Variants in ASCC3 observed in about 807,000 individuals in gnomAD.
ASCC3 encodes ASC-1 complex subunit P200.
In ASCC3, 158 loss-of-function variants were observed where a neutral mutation model predicts 256.3. The observed-to-expected ratio is 0.62, with a 90% CI of 0.54 to 0.70. The LOEUF (loss-of-function observed/expected upper bound fraction) is 0.70. Ranked by LOEUF, ASCC3 falls within the 30% of genes least tolerant of loss-of-function variation. The pLI is 0.00. For synonymous variants in ASCC3, 948 were observed against 883.4 expected (o/e 1.07, Z -1.30); for missense variants, 2,259 against 2,626.0 (o/e 0.86, Z 3.05).
rs757198733 is a variant in ASCC3 at position 100,805,878 on chromosome 6, T to C, written c.804A>G (p.Leu268=). 6.8e-6 allele frequency: 11 copies of C among 1,610,488 alleles called. No homozygotes were observed. The highest frequency in any genetic ancestry group is 4.0e-5 in the African/African-American group (3 of 74,792). The change falls in exon 5 of 42, where the codon CTA becomes CTG. Residue 268 remains leucine (L), a splice_region_variant and synonymous_variant. Transcript: ENST00000369162. ...IKSGDELQDE[L]FELLGPEGLE... ...GTCCTTCAGGTCCCAGCAGTTCAAA[T>C]AGCTTATAAAAAGAGAAAAAAGTAA...
chr6:100,852,455 T>G (rs1772728699), intron 3 of ASCC3, among the ~76,000 whole-genome samples: 1 of 152,226 alleles, frequency 6.6e-6, no homozygotes, highest in Admixed American at 6.5e-5. Context: ...TTACATTAAC[T>G]GTGAGAATCC....
At chr6:100,658,083 A>G (rs1247176626) in intron 16 of ASCC3, among the ~76,000 whole-genome samples, 1 of 151,464 alleles carries the variant, frequency 6.6e-6, no homozygotes, top group Non-Finnish European at 1.5e-5. Context: ...TGGCCTCAAG[A>G]AGTTCCAGAG....
chr6:100,718,312 T>TA, intron 11 of ASCC3, 61 bp from the exon 12 acceptor site: 1 of 1,395,946 alleles, frequency 7.2e-7, no homozygotes, highest in Non-Finnish European at 9.8e-7. Flanking sequence ...AAAAACATTA[T>TA]AATTTGTCCT....
chr6:100,796,185 T>C (rs1769603294), intron 8 of ASCC3, among the ~76,000 whole-genome samples: 2 of 152,130 alleles, frequency 1.3e-5, no homozygotes, highest in African/African-American at 4.8e-5. Flanking sequence ...TAAAAAACAG[T>C]GACAACACCA....
intron 36 of ASCC3, among the ~76,000 whole-genome samples, chr6:100,589,170 T>C (rs1229328070): frequency 6.6e-6 from 1 of 152,074 alleles, no homozygotes; most frequent in Admixed American, 6.6e-5. Context: ...GGTAAGGGTG[T>C]TTGTGGGGAT....
rs563493599 is a variant in ASCC3, at chr6:100,733,168, T to C, written c.1738-7465A>G. On this transcript the variant is annotated intron_variant, in intron 10 of 41. Transcript: ENST00000369162. ...AGAAAAACTGGCACATAGCTTCAAA[T>C]AGAGACAAAAGAGAACCTCAATAAA... Among the ~76,000 whole-genome samples the C allele has an allele frequency of 5.3e-5, 8 of 152,252 alleles. No homozygotes were observed. In the East Asian group the frequency reaches 5.8e-4, roughly 11 times the overall value.
intron 25 of ASCC3, among the ~76,000 whole-genome samples, chr6:100,631,579 T>G (rs968773401): frequency 2.0e-5 from 3 of 151,714 alleles, no homozygotes; most frequent in Non-Finnish European, 4.4e-5. Flanking sequence ...AAGAGAAAAT[T>G]AGGGTTCTGA....
chr6:100,875,376 T>C (rs1350447747), intron 1 of ASCC3, among the ~76,000 whole-genome samples: 2 of 152,188 alleles, frequency 1.3e-5, no homozygotes, highest in South Asian at 2.1e-4. Flanking sequence ...ACTTTAATTA[T>C]GGGCTATCAA....
intron 8 of ASCC3, among the ~76,000 whole-genome samples, chr6:100,795,398 A>T (rs1036129667): frequency 3.9e-5 from 6 of 152,024 alleles, no homozygotes; most frequent in Non-Finnish European, 7.4e-5. Flanking sequence ...AAGGAAATGG[A>T]GATAAAGAAA....
At chr6:100,733,111 C>T (rs142696711) in intron 10 of ASCC3, among the ~76,000 whole-genome samples, 1 of 152,214 alleles carries the variant, frequency 6.6e-6, no homozygotes, top group African/African-American at 2.4e-5. Context: ...TATATAAAAC[C>T]TTGCTCAAAG....
At chr6:100,557,275 A>T (rs532675961) in intron 36 of ASCC3, among the ~76,000 whole-genome samples, 2 of 152,268 alleles carry the variant, frequency 1.3e-5, no homozygotes, top group East Asian at 3.9e-4. Flanking sequence ...TAACGCAGGC[A>T]TATACAGCTA....
intron 13 of ASCC3, among the ~76,000 whole-genome samples, chr6:100,691,145 C>G (rs936299805): frequency 2.6e-5 from 4 of 151,930 alleles, no homozygotes; most frequent in African/African-American, 9.7e-5. Context: ...AGCAAAAATA[C>G]AAGTAGTCAT....
At chr6:100,769,473 A>C (rs1240757051) in intron 8 of ASCC3, among the ~76,000 whole-genome samples, 2 of 151,970 alleles carry the variant, frequency 1.3e-5, no homozygotes, top group African/African-American at 4.8e-5. Flanking sequence ...ATCACATCAT[A>C]CCATTATTTA....
intron 4 of ASCC3, among the ~76,000 whole-genome samples, chr6:100,842,633 G>A (rs756360975): frequency 2.0e-5 from 3 of 152,020 alleles, no homozygotes; most frequent in Non-Finnish European, 4.4e-5. Flanking sequence ...TCATAAAAAT[G>A]TTATTTATAC....
intron 12 of ASCC3, among the ~76,000 whole-genome samples, chr6:100,716,378 A>C (rs1440219677): frequency 6.6e-6 from 1 of 151,912 alleles, no homozygotes; most frequent in Non-Finnish European, 1.5e-5. Flanking sequence ...GCTAACCCAA[A>C]GGAGTAGGCA....
chr6:100,719,014 A>C (rs1242107509), intron 11 of ASCC3, among the ~76,000 whole-genome samples: 1 of 152,120 alleles, frequency 6.6e-6, no homozygotes, highest in Non-Finnish European at 1.5e-5. Flanking sequence ...AGGTATAAGC[A>C]AAGTAGTTCA....
At chr6:100,731,876 T>C (rs1414937547) in intron 10 of ASCC3, among the ~76,000 whole-genome samples, 1 of 152,126 alleles carries the variant, frequency 6.6e-6, no homozygotes, top group Non-Finnish European at 1.5e-5. Flanking sequence ...AATGTCATAC[T>C]GCAGGTCGGG....
At chr6:100,539,124 T>C (rs1417313379) in intron 37 of ASCC3, among the ~76,000 whole-genome samples, 1 of 152,150 alleles carries the variant, frequency 6.6e-6, no homozygotes, top group Non-Finnish European at 1.5e-5. Context: ...ATTCAATATC[T>C]GACCAGTTTT....
At chr6:100,814,696 C>T (rs1362240257) in intron 4 of ASCC3, among the ~76,000 whole-genome samples, 1 of 152,028 alleles carries the variant, frequency 6.6e-6, no homozygotes, top group Non-Finnish European at 1.5e-5. Context: ...AGGAATTTAT[C>T]CTTTTCTTCT....
Sources: gnomAD v4.1 joint callset for allele counts (sites outside exome capture counted in the v4.1 genomes callset) on GRCh38, gnomAD v4.1.1 for gene constraint, MANE v1.5 for transcripts, NCBI Gene and HGNC (gene_info 2026-07-23, HGNC 2026-07-21) for gene names.